Variants in NUDT12 observed in about 807,000 individuals in gnomAD.
NUDT12 encodes NAD-capped RNA hydrolase NUDT12.
A neutral mutation model predicts 45.7 loss-of-function variants in NUDT12; 42 were observed. The observed-to-expected ratio is 0.92, with a 90% CI of 0.72 to 1.19. The LOEUF is 1.19. Among genes scored for constraint, NUDT12 ranks in the 50% most tolerant of loss-of-function variants. NUDT12 has a pLI of 0.00. For synonymous variants in NUDT12, 206 were observed against 179.7 expected, an observed-to-expected ratio of 1.15 and a Z score of -1.17; for missense variants, 590 against 533.1, an observed-to-expected ratio of 1.11 and a Z score of -1.05.
Position 103,550,965 on chromosome 5 carries a change from C to A in NUDT12, c.1285G>T (p.Asp429Tyr). The A allele has an allele frequency of 6.2e-7, 1 of 1,612,688 alleles. No individual in the cohort carries two copies. The highest frequency in any genetic ancestry group is 8.5e-7 in the Non-Finnish European group (1 of 1,178,946). Residue 429 changes from aspartate (D) to tyrosine (Y), a missense_variant, in exon 7 of 7, where the codon GAT (aspartate) becomes TAT (tyrosine). Asp to Tyr is a radical substitution (Grantham distance 160). Transcript: ENST00000230792. ...ARWFTREQVL[D>Y]VLTKGKQQAF... is the part of the protein sequence containing the mutation. ...TGCTGCTTCCCTTTGGTCAGAACAT[C>A]CAGGACCTAAAACACACCATAATAG...
At chr5:103,555,002 C>T (rs1748769832) in intron 4 of NUDT12, 149 bp from the exon 5 acceptor site, 1 of 401,774 alleles carries the variant, frequency 2.5e-6, no homozygotes, top group Non-Finnish European at 4.5e-6. Flanking sequence ...TCTTTCTGCC[C>T]TAATGTAGCT....
At chr5:103,554,266 A>C (rs2401010) in intron 5 of NUDT12, among the ~76,000 whole-genome samples, 96,314 of 151,460 alleles carry the variant, frequency 0.64, 31,061 homozygotes, top group Middle Eastern at 0.77. Flanking sequence ...CTTGAAACAT[A>C]AGATAATAAA....
At position 103,548,912 on chromosome 5, in the gene NUDT12, C is replaced by A. The variant is rs966706443; in HGVS notation, c.*1949G>T. 6.6e-6 allele frequency: 1 copy of A among 152,080 alleles called. No homozygotes were observed. Among genetic ancestry groups the A allele is most frequent in the African/African-American group, 2.4e-5 (1 of 41,428 alleles). 9.4% of individuals were successfully genotyped at this position (152,080 alleles called of 1,614,324 possible). On this transcript the variant is annotated 3_prime_UTR_variant, in exon 7 of 7. Coordinates refer to ENST00000230792, the MANE Select transcript of NUDT12 (RefSeq NM_031438.4). Reference sequence around the variant, plus strand: ...CATTTCCAGTAGAATACATTCACGGCACTATCACATCTACTATTCTTTTGA... The same window carrying A: ...CATTTCCAGTAGAATACATTCACGGAACTATCACATCTACTATTCTTTTGA...
In NUDT12 at chr5:103,559,450, G is replaced by A; in HGVS notation, c.225C>T (p.Val75=). The A allele has an allele frequency of 6.5e-7, 1 of 1,529,816 alleles. No homozygotes were observed. Among genetic ancestry groups the A allele is most frequent in the South Asian group, 1.3e-5 (1 of 76,180 alleles). The allele number at this position is 1,529,816 out of a possible 1,614,324, so 94.8% of individuals were successfully genotyped here. Residue 75 remains valine, a synonymous_variant, in exon 3 of 7, where the codon GTC becomes GTT. Transcript: ENST00000230792. ...CCAGTGCAGTCTGCCTTGATTTATTGACAATTGATCTGTCACACCTATAGA... is the reference window on the plus strand; with the variant it reads ...CCAGTGCAGTCTGCCTTGATTTATTAACAATTGATCTGTCACACCTATAGA... ...LLEKGCDRSI[V]NKSRQTALDI... is the part of the protein sequence containing the mutation.
At chr5:103,556,295 G>T (rs1239028100) in intron 3 of NUDT12, among the ~76,000 whole-genome samples, 197 bp from the exon 4 acceptor site, 19 of 151,714 alleles carry the variant, frequency 1.3e-4, no homozygotes, top group African/African-American at 2.9e-4. Context: ...TTTTTTGTTT[G>T]AATAAAATAT....
intron 1 of NUDT12, among the ~76,000 whole-genome samples, chr5:103,562,286 C>T: frequency 6.6e-6 from 1 of 152,188 alleles, no homozygotes; most frequent in Admixed American, 6.5e-5. Flanking sequence ...ACTGAAATCA[C>T]TGACCATCAA....
chr5:103,560,281 A>G, intron 1 of NUDT12, 27 bp from the exon 2 acceptor site: 1 of 1,478,198 alleles, frequency 6.8e-7, no homozygotes, highest in Non-Finnish European at 9.4e-7. Context: ...TCAGGGGAAA[A>G]AGCTTATTTG....
In NUDT12 at chr5:103,555,994, A is replaced by G. The variant is rs10045774; in HGVS notation, c.901T>C (p.Leu301=). 1,078,058 of 1,608,268 alleles carry G rather than the reference A, an allele frequency of 0.67. 364,321 individuals are homozygous for G. The highest frequency in any genetic ancestry group is 0.75 in the Middle Eastern group (4,543 of 6,048). Residue 301 remains leucine (L), a synonymous_variant, in exon 4 of 7, where the codon TTA becomes CTA. Coordinates refer to ENST00000230792, the MANE Select transcript of NUDT12 (RefSeq NM_031438.4). The part of the protein sequence containing the change: ...TKIEEGGYKR[L]CLKEDCPSLN... ...CTAGGACAGTCTTCTTTTAAACATA[A>G]TCTCTTATAGCCACCTTCTTCAATT...
intron 3 of NUDT12, among the ~76,000 whole-genome samples, chr5:103,557,832 C>T (rs1057405862): frequency 6.6e-6 from 1 of 151,920 alleles, no homozygotes. Context: ...CCTCTCAACT[C>T]TCCAAGTAAT....
rs1562618607 is a variant in NUDT12, at chr5:103,555,922, AG to A, written c.964+8del. The stretch of plus-strand genomic sequence containing the variant: ...TCCAGGTGGCTGAGATATAAAATAA[AG>A]GGCTTACCAACTCTTGGGTATGAGG... On this transcript the variant is annotated splice_region_variant and intron_variant, in intron 4 of 6. Transcript: ENST00000230792. The A allele has an allele frequency of 1.3e-6, 2 of 1,512,222 alleles. No homozygotes were observed. The highest frequency in any genetic ancestry group is 1.8e-6 in the Non-Finnish European group (2 of 1,129,234). The allele number at this position is 1,512,222 out of a possible 1,614,324, so 93.7% of individuals were successfully genotyped here.
chr5:103,562,281 A>G (rs539827548), intron 1 of NUDT12, among the ~76,000 whole-genome samples: 2 of 152,160 alleles, frequency 1.3e-5, no homozygotes, highest in East Asian at 3.9e-4. Context: ...CTGTCACTGA[A>G]ATCACTGACC....
chr5:103,562,165 T>C lies in NUDT12; in HGVS notation c.-7+538A>G, dbSNP rs1400383403. Among the ~76,000 whole-genome samples, 3 of 152,174 alleles carry C rather than the reference T, an allele frequency of 2.0e-5. No homozygotes were observed. In the East Asian group the frequency reaches 5.8e-4, roughly 29 times the overall value. The stretch of plus-strand genomic sequence containing the variant: ...AATATTAGATGTAAAGGGACATAAA[T>C]TTTTAACAAACCAACATCCACTTTT... On this transcript the variant is annotated intron_variant, in intron 1 of 6. Transcript: ENST00000230792.
rs917465177 is a variant in NUDT12 at position 103,552,166 on chromosome 5, A to G, written c.1278+51T>C. ...TGCATCCTTGCTCTGTGACCAAACC[A>G]ATACAGTCAGGGAACAATCAATAGA... On this transcript the variant is annotated intron_variant, in intron 6 of 6. Transcript: ENST00000230792. 1.0e-5 allele frequency: 15 copies of G among 1,483,972 alleles called. No homozygotes were observed. In the African/African-American group the frequency reaches 1.5e-4, roughly 15 times the overall value. The allele number at this position is 1,483,972 out of a possible 1,614,324, so 91.9% of individuals were successfully genotyped here. A position where few individuals can be genotyped will look rare whatever the true frequency, so the allele number is the denominator to read the frequency against.
At chr5:103,551,342 G>A (rs1464851989) in intron 6 of NUDT12, among the ~76,000 whole-genome samples, 1 of 152,068 alleles carries the variant, frequency 6.6e-6, no homozygotes, top group African/African-American at 2.4e-5. Flanking sequence ...TCAAACTCCT[G>A]GGCTCAATCA....
intron 4 of NUDT12, among the ~76,000 whole-genome samples, chr5:103,555,699 G>A (rs1183093697): frequency 6.6e-6 from 1 of 151,978 alleles, no homozygotes; most frequent in East Asian, 1.9e-4. Context: ...TTGAAATCAT[G>A]TATCATAACA....
rs184364056 is a variant in NUDT12 at position 103,559,324 on chromosome 5, A to C, written c.351T>G (p.Cys117Trp). The C allele has an allele frequency of 3.1e-6, 5 of 1,613,106 alleles. No individual in the cohort carries two copies. In the African/African-American group the frequency reaches 6.7e-5, roughly 22 times the overall value. Residue 117 changes from cysteine to tryptophan, a missense_variant, in exon 3 of 7, where the codon TGT (cysteine) becomes TGG (tryptophan). Physicochemically the swap from Cys to Trp is radical, Grantham distance 215 (BLOSUM62 -2). Transcript: ENST00000230792. ...GTAGTGTTTTGCTAAAATAATTTTC[A>C]CATTCTTCCACTTCATTCGTTAGGA... is the stretch of plus-strand genomic sequence containing the variant. ...PWFLTNEVEECENYFSKTLLD... is the reference protein window; with the variant it reads ...PWFLTNEVEEWENYFSKTLLD...
At position 103,556,087 on chromosome 5, in the gene NUDT12, G is replaced by T; in HGVS notation, c.808C>A (p.Gln270Lys). Residue 270 changes from glutamine (Q) to lysine (K), a missense_variant, in exon 4 of 7, where the codon CAA becomes AAA. Coordinates refer to ENST00000230792, the MANE Select transcript of NUDT12 (RefSeq NM_031438.4). ...TGCCAGGCAAGAACAGATCTTGCTT[G>T]AGCTACAACCCCTTCAAAAAAAAGA... ...LKEKEAGVVA[Q>K]ARSVLAWHSR... 2 of 1,598,830 alleles carry T rather than the reference G, an allele frequency of 1.3e-6. No individual in the cohort carries two copies. The highest frequency in any genetic ancestry group is 1.7e-6 in the Non-Finnish European group (2 of 1,173,788).
Position 103,554,862 on chromosome 5 carries a change from A to AT in NUDT12, c.965-10_965-9insA, listed in dbSNP as rs766272081. The AT allele has an allele frequency of 7.9e-7, 1 of 1,259,714 alleles. No homozygotes were observed. The highest frequency in any genetic ancestry group is 1.1e-6 in the Non-Finnish European group (1 of 897,116). The allele number at this position is 1,259,714 out of a possible 1,614,324, so 78.0% of individuals were successfully genotyped here. A position where few individuals can be genotyped will look rare whatever the true frequency, so the allele number is the denominator to read the frequency against. ...CATGATTACTACTGGATCTGTTGAA[A>AT]AAAAAAATCAGATACATGAATGGCA... On this transcript the variant is annotated splice_polypyrimidine_tract_variant and intron_variant, in intron 4 of 6. Transcript: ENST00000230792.
chr5:103,562,231 CA>C (rs1749054551), intron 1 of NUDT12, among the ~76,000 whole-genome samples: 1 of 152,136 alleles, frequency 6.6e-6, no homozygotes, highest in Non-Finnish European at 1.5e-5. Context: ...CGCATGCTCA[CA>C]CAGACCGAAT....
Sources: gnomAD v4.1 joint callset for allele counts (sites outside exome capture counted in the v4.1 genomes callset) on GRCh38, gnomAD v4.1.1 for gene constraint, MANE v1.5 for transcripts, NCBI Gene and HGNC (gene_info 2026-07-23, HGNC 2026-07-21) for gene names.